The following AGPAT3 variants were observed in gnomAD, a reference collection of about 807,000 sequenced individuals.
AGPAT3 encodes the protein 1-acylglycerol-3-phosphate O-acyltransferase 3, also known as 1-acyl-sn-glycerol-3-phosphate acyltransferase gamma.
In AGPAT3, 5 loss-of-function variants were observed where a neutral mutation model predicts 47.3. The observed-to-expected ratio is 0.11, with a 90% CI of 0.06 to 0.22. The LOEUF is 0.22. Among genes scored for constraint, AGPAT3 ranks in the 10% least tolerant of loss-of-function variants. AGPAT3 has a pLI of 1.00. For missense variants in AGPAT3, 315 were observed against 493.0 expected (o/e 0.64, Z 3.42); for synonymous variants, 212 against 208.3 (o/e 1.02, Z -0.15).
chr21:43,980,874 A>G, intron 8 of AGPAT3, 115 bp from the exon 9 acceptor site: 1 of 990,512 alleles, frequency 1.0e-6, no homozygotes. Context: ...CTCTTAATTG[A>G]CGTGGCGCTT....
At chr21:43,883,110 G>T (rs1281093172) in intron 1 of AGPAT3, among the ~76,000 whole-genome samples, 1 of 152,368 alleles carries the variant, frequency 6.6e-6, no homozygotes, top group Middle Eastern at 3.4e-3. Flanking sequence ...GATACACACA[G>T]AGTTGCTCCT....
chr21:43,898,554 T>G (rs899827273), intron 1 of AGPAT3, among the ~76,000 whole-genome samples: 1 of 152,026 alleles, frequency 6.6e-6, no homozygotes, highest in African/African-American at 2.4e-5. Flanking sequence ...CAAGACGGAG[T>G]CTTGCTCTGT....
chr21:43,938,257 A>AAGGAACGTACTG (rs1023014346), intron 2 of AGPAT3, among the ~76,000 whole-genome samples: 1 of 151,654 alleles, frequency 6.6e-6, no homozygotes, highest in East Asian at 1.9e-4. Context: ...ATTGGGATAG[A>AAGGAACGTACTG]AGGAACGTAC....
rs551600262 is a variant in AGPAT3 at position 43,908,892 on chromosome 21, C to T, written c.-49+4873C>T. Among the ~76,000 whole-genome samples, 6 of 152,228 alleles carry T rather than the reference C, an allele frequency of 3.9e-5. No individual in the cohort carries two copies. The highest frequency in any genetic ancestry group is 2.0e-4 in the Admixed American group (3 of 15,288). ...GGTACAGGCTCAGGCTCAGCTCACACGGTCCCCGGATGCCCCTGCTGTGCT... is the reference window on the plus strand; with the variant it reads ...GGTACAGGCTCAGGCTCAGCTCACATGGTCCCCGGATGCCCCTGCTGTGCT... On this transcript the variant is annotated intron_variant, in intron 2 of 9. Transcript: ENST00000291572. This position sits in a 1 kb window ranked among gnomAD's most constrained non-coding sequence, Gnocchi z 4.9.
intron 1 of AGPAT3, among the ~76,000 whole-genome samples, chr21:43,902,144 TAGAC>T (rs1275349491): frequency 6.6e-6 from 1 of 152,154 alleles, no homozygotes; most frequent in Non-Finnish European, 1.5e-5. Flanking sequence ...ATCCTGAAAG[TAGAC>T]AGAGGCAAAT....
At chr21:43,867,788 T>A (rs1162052770) in intron 1 of AGPAT3, 3 of 152,250 alleles carry the variant, frequency 2.0e-5, no homozygotes, top group Non-Finnish European at 4.4e-5. Context: ...CTGCTCCATC[T>A]CATTGCAAGA....
At chr21:43,979,938 AT>A (rs1380581222) in intron 8 of AGPAT3, among the ~76,000 whole-genome samples, 1 of 152,154 alleles carries the variant, frequency 6.6e-6, no homozygotes, top group Non-Finnish European at 1.5e-5. Context: ...ACTAGAAAAA[AT>A]ATCTTGAAGC....
At chr21:43,951,146 T>C (rs138625019) in intron 2 of AGPAT3, among the ~76,000 whole-genome samples, 1,652 of 151,644 alleles carry the variant, frequency 0.011, 31 homozygotes, top group African/African-American at 0.038. Flanking sequence ...GGCCCTCCCG[T>C]GCCACCACCT....
At chr21:43,959,082 T>TGTGTGTGTGTGGCATGTGTGTGGTTTGC (rs1555909854) in intron 2 of AGPAT3, among the ~76,000 whole-genome samples, 1 of 122,098 alleles carries the variant, frequency 8.2e-6, no homozygotes, top group African/African-American at 3.5e-5. Flanking sequence ...GTGTGGTTTG[T>TGTGTGTGTGTGGCATGTGTGTGGTTTGC]GGTGTGTGTG....
intron 7 of AGPAT3, among the ~76,000 whole-genome samples, chr21:43,972,994 G>C (rs1401991518): frequency 6.6e-6 from 1 of 152,182 alleles, no homozygotes; most frequent in East Asian, 1.9e-4. Flanking sequence ...GGTGGCCACA[G>C]GCCCTCTACA....
At chr21:43,963,049 A>G (rs2088952598) in intron 3 of AGPAT3, among the ~76,000 whole-genome samples, 3 of 152,220 alleles carry the variant, frequency 2.0e-5, no homozygotes. Context: ...CTCTCAGTGA[A>G]AACTGTAGAT....
At chr21:43,969,386 T>C in intron 5 of AGPAT3, 107 bp downstream of exon 5, 1 of 1,405,448 alleles carries the variant, frequency 7.1e-7, no homozygotes, top group Non-Finnish European at 9.8e-7. Context: ...TGAGAGCCTC[T>C]GCACATGGGG....
intron 2 of AGPAT3, among the ~76,000 whole-genome samples, chr21:43,949,932 C>CT (rs554709412): frequency 1.6e-4 from 24 of 152,234 alleles, no homozygotes; most frequent in Non-Finnish European, 3.4e-4. Context: ...AGCACTTGCG[C>CT]TGGGCTGCAA....
intron 1 of AGPAT3, among the ~76,000 whole-genome samples, chr21:43,873,121 G>C (rs929979454): frequency 4.6e-5 from 7 of 152,338 alleles, no homozygotes; most frequent in African/African-American, 1.7e-4. Context: ...GGCATCGAGT[G>C]GCGGGTGCAC....
In AGPAT3 at chr21:43,939,682, C is replaced by A. The variant is rs1427698537; in HGVS notation, c.-48-19952C>A. On this transcript the variant is annotated intron_variant, in intron 2 of 9. Coordinates refer to ENST00000291572, the MANE Select transcript of AGPAT3 (RefSeq NM_020132.5). The surrounding 1 kb of genome is among the most constrained non-coding windows in gnomAD (Gnocchi z 4.4). ...AGGACGTTTGCCTATCACTTGGAGG[C>A]CTTTCAGGGATCTTGCTAGCCCACG... Among the ~76,000 whole-genome samples the A allele has an allele frequency of 6.6e-6, 1 of 152,182 alleles. No homozygotes were observed. The highest frequency in any genetic ancestry group is 1.9e-4 in the East Asian group (1 of 5,192).
intron 1 of AGPAT3, among the ~76,000 whole-genome samples, chr21:43,872,848 T>C (rs1378130896): frequency 2.0e-5 from 3 of 152,226 alleles, no homozygotes; most frequent in Non-Finnish European, 4.4e-5. Flanking sequence ...ATCGTCCCAC[T>C]CTGCCTCCTT....
intron 3 of AGPAT3, chr21:43,966,109 G>A (rs990077168): frequency 1.3e-5 from 2 of 152,242 alleles, no homozygotes; most frequent in Non-Finnish European, 2.9e-5. Context: ...AGCGTCAGCC[G>A]AGGGGTCCTG....
intron 2 of AGPAT3, among the ~76,000 whole-genome samples, chr21:43,938,140 A>G (rs543216653): frequency 6.6e-6 from 1 of 150,660 alleles, no homozygotes; most frequent in African/African-American, 2.5e-5. Flanking sequence ...ACACACACAC[A>G]CTCACACTCA....
chr21:43,881,275 A>G (rs1276069575), intron 1 of AGPAT3, among the ~76,000 whole-genome samples: 1 of 152,220 alleles, frequency 6.6e-6, no homozygotes, highest in Non-Finnish European at 1.5e-5. Flanking sequence ...ACACATACAT[A>G]AAGTATTGAA....
Sources: allele counts gnomAD v4.1 joint callset (sites outside exome capture counted in the v4.1 genomes callset), GRCh38; gene constraint gnomAD v4.1.1; non-coding constraint Gnocchi (gnomAD v3.1); transcripts MANE v1.5; gene names NCBI Gene and HGNC (gene_info 2026-07-23, HGNC 2026-07-21).